The following CDH3 variants were observed in gnomAD, a reference collection of about 807,000 sequenced individuals.
CDH3 encodes the protein cadherin-3.
Under a neutral mutation model 82.0 loss-of-function variants are expected in CDH3, and 54 were observed. The ratio of observed to expected loss-of-function variants is 0.66; its 90% CI spans 0.53 to 0.83. The LOEUF (loss-of-function observed/expected upper bound fraction) is 0.83, where lower values mean the gene tolerates loss of function less well. Among genes scored for constraint, CDH3 ranks in the 40% least tolerant of loss-of-function variants. The pLI is 0.00. For synonymous variants in CDH3, 446 were observed against 437.9 expected (o/e 1.02, Z -0.23); for missense variants, 1,054 against 1,084.6 (o/e 0.97, Z 0.40).
chr16:68,711,323 G>C (rs1007920659), intron 1 of CDH3, among the ~76,000 whole-genome samples: 5 of 151,818 alleles, frequency 3.3e-5, no homozygotes, highest in African/African-American at 1.2e-4. Context: ...GAGAGAGAGG[G>C]AGAAAGAGAA....
chr16:68,672,247 T>C (rs1414753176), intron 2 of CDH3, among the ~76,000 whole-genome samples: 1 of 104,770 alleles, frequency 9.5e-6, no homozygotes, highest in Non-Finnish European at 2.0e-5. Context: ...AAGTTTCTGA[T>C]GACCTTCATC....
chr16:68,709,725 G>A (rs1234856272), intron 1 of CDH3, among the ~76,000 whole-genome samples: 11 of 152,262 alleles, frequency 7.2e-5, no homozygotes, highest in Admixed American at 5.9e-4. Flanking sequence ...GATTACAGGC[G>A]TGAGCCACCG....
rs1961253190 is a variant in CDH3 at position 68,682,361 on chromosome 16, T to C, written c.1056T>C (p.Thr352=). Residue 352 remains threonine (T), a synonymous_variant, in exon 9 of 16, where the codon ACT becomes ACC. Transcript: ENST00000264012. The part of the protein sequence containing the change: ...VGHEVQRLTV[T]DLDAPNSPAW... ...ATGAGGTGCAGAGGCTGACGGTCACTGATCTGGACGCCCCCAACTCACCAG... is the reference window on the plus strand; with the variant it reads ...ATGAGGTGCAGAGGCTGACGGTCACCGATCTGGACGCCCCCAACTCACCAG... 1.2e-6 allele frequency: 2 copies of C among 1,614,076 alleles called. No individual in the cohort carries two copies. The highest frequency in any genetic ancestry group is 1.7e-6 in the Non-Finnish European group (2 of 1,180,044).
At position 68,682,451 on chromosome 16, in the gene CDH3, C is replaced by G; in HGVS notation, c.1146C>G (p.His382Gln). Residue 382 changes from histidine to glutamine, a missense_variant, in exon 9 of 16, where the codon CAC becomes CAG. Coordinates refer to ENST00000264012, the MANE Select transcript of CDH3 (RefSeq NM_001793.6). ...DDGDHFTITT[H>Q]PESNQGILTT... is the part of the protein sequence containing the mutation. Reference sequence around the variant, plus strand: ...GGGACCATTTTACCATCACCACCCACCCTGAGAGCAACCAGGGCATCCTGA... The same window carrying G: ...GGGACCATTTTACCATCACCACCCAGCCTGAGAGCAACCAGGGCATCCTGA... The G allele has an allele frequency of 3.7e-6, 6 of 1,614,128 alleles. No homozygotes were observed. Among genetic ancestry groups the G allele is most frequent in the Non-Finnish European group, 5.1e-6 (6 of 1,180,040 alleles).
intron 2 of CDH3, among the ~76,000 whole-genome samples, chr16:68,662,779 C>CTCG (rs1265147015): frequency 4.0e-5 from 6 of 151,432 alleles, no homozygotes; most frequent in African/African-American, 1.5e-4. Flanking sequence ...ATCTCCTGAC[C>CTCG]TCGTGATCCA....
intron 1 of CDH3, among the ~76,000 whole-genome samples, chr16:68,705,428 G>GT (rs1044256023): frequency 6.6e-5 from 10 of 151,480 alleles, no homozygotes; most frequent in African/African-American, 2.2e-4. Context: ...CAAGACACTG[G>GT]TTTTTTTTTG....
chr16:68,646,041 G>A (rs977790511), intron 2 of CDH3: 1 of 465,622 alleles, frequency 2.1e-6, no homozygotes. Flanking sequence ...GACGTGGGAA[G>A]TTCTCCCCCG....
chr16:68,672,860 G>A (rs1159346229), intron 2 of CDH3, among the ~76,000 whole-genome samples: 1 of 152,146 alleles, frequency 6.6e-6, no homozygotes, highest in Non-Finnish European at 1.5e-5. Flanking sequence ...CCTAAAAGAT[G>A]GCCAGTGTCT....
chr16:68,731,419 TAC>T (rs1171049400), downstream of CDH3, among the ~76,000 whole-genome samples: 3 of 31,686 alleles, frequency 9.5e-5, 1 homozygote, highest in African/African-American at 5.0e-4. Flanking sequence ...TATATACATA[TAC>T]ACATATATAC....
intron 2 of CDH3, among the ~76,000 whole-genome samples, chr16:68,666,718 A>G (rs1454760469): frequency 6.6e-6 from 1 of 152,224 alleles, no homozygotes; most frequent in Non-Finnish European, 1.5e-5. Flanking sequence ...AATATTTTAT[A>G]TAATAATTGT....
At chr16:68,651,616 T>C (rs1597789507) in intron 2 of CDH3, 1 of 507,036 alleles carries the variant, frequency 2.0e-6, no homozygotes, top group East Asian at 4.7e-5. Context: ...ATGTTCCCAC[T>C]CTCAAACAGG....
intron 2 of CDH3, among the ~76,000 whole-genome samples, chr16:68,663,951 A>T (rs1380561473): frequency 1.3e-5 from 2 of 148,798 alleles, no homozygotes; most frequent in Admixed American, 6.7e-5. Context: ...TATCTCCTAA[A>T]GCTATCCCTC....
At chr16:68,712,161 C>T (rs959868877) in intron 1 of CDH3, among the ~76,000 whole-genome samples, 10 of 151,382 alleles carry the variant, frequency 6.6e-5, no homozygotes, top group Admixed American at 2.0e-4. Flanking sequence ...TTCGGCCTCC[C>T]GAGTAGCTGG....
intron 2 of CDH3, among the ~76,000 whole-genome samples, chr16:68,670,081 G>A (rs1372684943): frequency 6.6e-6 from 1 of 151,738 alleles, no homozygotes; most frequent in African/African-American, 2.4e-5. Context: ...AAAATTAGCC[G>A]GGCCTGGTGG....
At chr16:68,726,525 C>G (rs972814116) in intron 2 of CDH3, among the ~76,000 whole-genome samples, 2 of 151,864 alleles carry the variant, frequency 1.3e-5, no homozygotes, top group African/African-American at 4.8e-5. Context: ...GATTAAGAGA[C>G]TGCAGAGGGC....
intron 1 of CDH3, among the ~76,000 whole-genome samples, chr16:68,708,691 T>C (rs552336974): frequency 3.3e-4 from 50 of 152,020 alleles, no homozygotes; most frequent in African/African-American, 1.2e-3. Context: ...TCGCCCAGGC[T>C]GGAGTACAGC....
intron 2 of CDH3, among the ~76,000 whole-genome samples, chr16:68,672,655 G>A (rs1960917898): frequency 6.6e-6 from 1 of 152,172 alleles, no homozygotes; most frequent in Admixed American, 6.5e-5. Flanking sequence ...GGCCAAGCAC[G>A]TCACAGCCCA....
chr16:68,693,624 C>T (rs1961632577), intron 13 of CDH3, among the ~76,000 whole-genome samples: 1 of 152,118 alleles, frequency 6.6e-6, no homozygotes, highest in South Asian at 2.1e-4. Context: ...TCTTGCCTTC[C>T]CCCAGACTCG....
downstream of CDH3, among the ~76,000 whole-genome samples, chr16:68,704,393 G>T (rs1022277762): frequency 6.6e-6 from 1 of 152,160 alleles, no homozygotes. Flanking sequence ...GACTCACAAG[G>T]CCTGCTAGCG....
Sources: allele counts gnomAD v4.1 joint callset (sites outside exome capture counted in the v4.1 genomes callset), GRCh38; gene constraint gnomAD v4.1.1; transcripts MANE v1.5; gene names NCBI Gene and HGNC (gene_info 2026-07-23, HGNC 2026-07-21).